ATP2A2: variants seen among roughly 807,000 people sequenced by gnomAD.
ATP2A2 encodes the protein sarcoplasmic/endoplasmic reticulum calcium ATPase 2.
In ATP2A2, 14 loss-of-function variants were observed where a neutral mutation model predicts 109.3. The observed-to-expected ratio is 0.13, with a 90% CI of 0.08 to 0.20. The LOEUF is 0.20. Among genes scored for constraint, ATP2A2 ranks in the 10% least tolerant of loss-of-function variants. The pLI, the probability that ATP2A2 is intolerant of heterozygous loss-of-function variation, is 1.00. For synonymous variants in ATP2A2, 506 were observed against 490.9 expected (o/e 1.03, Z -0.41); for missense variants, 657 against 1,321.6 (o/e 0.50, Z 7.80).
Position 110,343,375 on chromosome 12 carries a change from G to A in ATP2A2, c.2462G>A (p.Arg821Gln), listed in dbSNP as rs778998667. The change falls in exon 16 of 20, where the codon CGG becomes CAG. Residue 821 changes from arginine to glutamine, a missense_variant. This residue lies in a region of ATP2A2 where 125 missense variants were observed against 243.5 expected (regional missense o/e 0.51). Coordinates refer to ENST00000539276, the MANE Select transcript of ATP2A2 (RefSeq NM_170665.4). ...PDLDIMNKPP[R>Q]NPKEPLISGW... ...CTGGACATCATGAATAAACCTCCCC[G>A]GAACCCAAAGGAACCATTGATCAGC... 1 of 1,614,148 alleles carries A rather than the reference G, an allele frequency of 6.2e-7. No homozygotes were observed. Among genetic ancestry groups the A allele is most frequent in the East Asian group, 2.2e-5 (1 of 44,892 alleles).
upstream of ATP2A2, chr12:110,281,064 G>C (rs974673591): frequency 1.3e-5 from 2 of 151,052 alleles, no homozygotes; most frequent in African/African-American, 4.8e-5. Flanking sequence ...CGGGTTCCTA[G>C]GGGCGGCGCG....
At chr12:110,284,097 G>A (rs540582450) in intron 3 of ATP2A2, among the ~76,000 whole-genome samples, 4 of 152,208 alleles carry the variant, frequency 2.6e-5, no homozygotes, top group South Asian at 4.1e-4. Context: ...TTAAAATGGG[G>A]ACTTACATAG....
Position 110,347,185 on chromosome 12 carries a change from T to A in ATP2A2, c.*715T>A. ...TTCAATCGACTGGGTTTATGTCCCT[T>A]CACATAGTTTTTAAGGTTATTTATT... is the stretch of plus-strand genomic sequence containing the variant. On this transcript the variant is annotated 3_prime_UTR_variant, in exon 20 of 20. Coordinates refer to ENST00000539276, the MANE Select transcript of ATP2A2 (RefSeq NM_170665.4). 2 of 1,192,274 alleles carry A rather than the reference T, an allele frequency of 1.7e-6. No individual in the cohort carries two copies. Among genetic ancestry groups the A allele is most frequent in the South Asian group, 3.2e-5 (2 of 63,260 alleles). The allele number at this position is 1,192,274 out of a possible 1,614,324, so 73.9% of individuals were successfully genotyped here.
intron 5 of ATP2A2, among the ~76,000 whole-genome samples, chr12:110,298,611 G>A (rs1446471760): frequency 1.3e-5 from 2 of 152,130 alleles, no homozygotes; most frequent in African/African-American, 2.4e-5. Flanking sequence ...CGAGCTCCTC[G>A]GGAGGCTGAG....
intron 5 of ATP2A2, among the ~76,000 whole-genome samples, chr12:110,304,820 C>G: frequency 6.6e-6 from 1 of 152,088 alleles, no homozygotes. Context: ...GAAACTGTTG[C>G]CAATTGAAGG....
intron 3 of ATP2A2, among the ~76,000 whole-genome samples, chr12:110,284,854 G>A (rs958651591): frequency 1.3e-5 from 2 of 152,284 alleles, no homozygotes; most frequent in Non-Finnish European, 1.5e-5. Flanking sequence ...TGGTTTGTTT[G>A]ATCAAGGAAT....
intron 19 of ATP2A2, 38 bp downstream of exon 19, chr12:110,346,156 T>C (rs1566243310): frequency 6.2e-7 from 1 of 1,614,198 alleles, no homozygotes; most frequent in Non-Finnish European, 8.5e-7. Flanking sequence ...AGCCACCTCC[T>C]TCCAGGGGAG....
chr12:110,291,204 G>A (rs113745636), intron 3 of ATP2A2, among the ~76,000 whole-genome samples: 4,257 of 145,630 alleles, frequency 0.029, 114 homozygotes, highest in African/African-American at 0.078. Flanking sequence ...CATCGCACCC[G>A]GCTTTTTTTT....
chr12:110,302,333 A>T (rs1320248625), intron 5 of ATP2A2, among the ~76,000 whole-genome samples: 1 of 152,000 alleles, frequency 6.6e-6, no homozygotes, highest in Non-Finnish European at 1.5e-5. Context: ...TCAAAAGACA[A>T]TGAATTTAAT....
chr12:110,296,253 T>A (rs1873949593), intron 4 of ATP2A2: 1 of 314,484 alleles, frequency 3.2e-6, no homozygotes. Context: ...CCCAGACTAT[T>A]AAGCTGTACT....
chr12:110,293,490 G>T (rs1181227669), intron 4 of ATP2A2, among the ~76,000 whole-genome samples: 1 of 150,306 alleles, frequency 6.7e-6, no homozygotes, highest in South Asian at 2.1e-4. Context: ...CACTTCCCGG[G>T]ATCAAGCAAT....
At chr12:110,312,156 G>A (rs1329432307) in intron 5 of ATP2A2, among the ~76,000 whole-genome samples, 1 of 152,114 alleles carries the variant, frequency 6.6e-6, no homozygotes, top group East Asian at 1.9e-4. Flanking sequence ...TCCAGCCTGG[G>A]TGACAGAGTG....
intron 11 of ATP2A2, 82 bp downstream of exon 11, chr12:110,334,225 C>A: frequency 6.5e-7 from 1 of 1,530,042 alleles, no homozygotes; most frequent in Non-Finnish European, 9.0e-7. Context: ...GTCCTACTCT[C>A]TTAGAAAACT....
intron 5 of ATP2A2, among the ~76,000 whole-genome samples, chr12:110,297,945 C>T (rs1439405456): frequency 6.6e-6 from 1 of 152,028 alleles, no homozygotes; most frequent in African/African-American, 2.4e-5. Flanking sequence ...ACCCCTGGGA[C>T]CAACCAGGAT....
intron 5 of ATP2A2, among the ~76,000 whole-genome samples, chr12:110,300,920 T>C (rs1234073883): frequency 6.6e-6 from 1 of 152,084 alleles, no homozygotes; most frequent in East Asian, 1.9e-4. Context: ...GGAAAGGAGA[T>C]TGTTTTTCCA....
At chr12:110,332,521 C>A in intron 8 of ATP2A2, 76 bp from the exon 9 acceptor site, 1 of 1,251,020 alleles carries the variant, frequency 8.0e-7, no homozygotes, top group Non-Finnish European at 1.2e-6. Context: ...TTGTCCTAAG[C>A]TAACAAAGGT....
rs903447422 is a variant in ATP2A2, at chr12:110,348,734, A to G, written c.*2264A>G. Reference sequence around the variant, plus strand: ...AATCAGCCTTACTGTGAAGCCTCCAAGGCTGCTCGCAGGCAGCTGTGGCTC... The same window carrying G: ...AATCAGCCTTACTGTGAAGCCTCCAGGGCTGCTCGCAGGCAGCTGTGGCTC... On this transcript the variant is annotated 3_prime_UTR_variant, in exon 20 of 20. Transcript: ENST00000539276. The G allele has an allele frequency of 3.0e-6, 3 of 985,464 alleles. No individual in the cohort carries two copies. Among genetic ancestry groups the G allele is most frequent in the East Asian group, 1.1e-4 (1 of 8,814 alleles). The allele number at this position is 985,464 out of a possible 1,614,324, so 61.0% of individuals were successfully genotyped here. A position where few individuals can be genotyped will look rare whatever the true frequency, so the allele number is the denominator to read the frequency against.
At chr12:110,335,139 G>C (rs1168078180) in intron 11 of ATP2A2, among the ~76,000 whole-genome samples, 1 of 152,218 alleles carries the variant, frequency 6.6e-6, no homozygotes, top group Non-Finnish European at 1.5e-5. Flanking sequence ...AGTTGGACCT[G>C]AGTGAGGTTC....
intron 6 of ATP2A2, chr12:110,325,977 C>T: frequency 4.7e-6 from 1 of 212,478 alleles, no homozygotes; most frequent in Non-Finnish European, 9.6e-6. Flanking sequence ...TAGAGCAAGA[C>T]CTCTGTCTCG....
Sources: allele counts gnomAD v4.1 joint callset (sites outside exome capture counted in the v4.1 genomes callset), GRCh38; gene constraint gnomAD v4.1.1; regional missense constraint gnomAD v4.1.1; transcripts MANE v1.5; gene names NCBI Gene and HGNC (gene_info 2026-07-23, HGNC 2026-07-21).